GPR155: variants seen among roughly 807,000 people sequenced by gnomAD.
GPR155 encodes the protein lysosomal cholesterol signaling protein.
A neutral mutation model predicts 93.1 loss-of-function variants in GPR155; 65 were observed. That is an observed-to-expected ratio of 0.70 (90% CI 0.57 to 0.86). The LOEUF (loss-of-function observed/expected upper bound fraction) is 0.86, where lower values mean the gene tolerates loss of function less well. Ranked by LOEUF, GPR155 falls within the 40% of genes least tolerant of loss-of-function variation. GPR155 has a pLI of 0.00. For missense variants in GPR155, 838 were observed against 1,034.8 expected, an observed-to-expected ratio of 0.81 and a Z score of 2.61; for synonymous variants, 319 against 360.1, an observed-to-expected ratio of 0.89 and a Z score of 1.29.
At chr2:174,454,809 G>GAAGGAAGGGAAAGGAAGGAAAAGA (rs1687456949) in intron 10 of GPR155, among the ~76,000 whole-genome samples, 1 of 150,236 alleles carries the variant, frequency 6.7e-6, no homozygotes, top group African/African-American at 2.5e-5. Context: ...GAAGGGAAGG[G>GAAGGAAGGGAAAGGAAGGAAAAGA]AAGGAAGGGA....
intron 15 of GPR155, among the ~76,000 whole-genome samples, chr2:174,436,758 T>C (rs1463982165): frequency 6.6e-6 from 1 of 152,252 alleles, no homozygotes; most frequent in Non-Finnish European, 1.5e-5. Flanking sequence ...TATGACATAT[T>C]TTATAATTTA....
At chr2:174,444,954 A>G (rs1687074978) in intron 13 of GPR155, 127 bp downstream of exon 13, 3 of 610,520 alleles carry the variant, frequency 4.9e-6, no homozygotes, top group African/African-American at 1.9e-5. Flanking sequence ...GCAGCTGGCA[A>G]ACAAACTAAA....
At chr2:174,459,802 G>T in intron 10 of GPR155, 76 bp downstream of exon 10, 2 of 1,046,478 alleles carry the variant, frequency 1.9e-6, no homozygotes, top group Non-Finnish European at 2.8e-6. Context: ...CTGAGATCAT[G>T]CCACTGCACT....
At chr2:174,444,961 T>A in intron 13 of GPR155, 120 bp downstream of exon 13, 1 of 618,724 alleles carries the variant, frequency 1.6e-6, no homozygotes, top group Non-Finnish European at 2.9e-6. Flanking sequence ...GCAAACAAAC[T>A]AAATCCTTTT....
intron 3 of GPR155, among the ~76,000 whole-genome samples, chr2:174,472,451 C>T (rs1319960489): frequency 2.0e-5 from 3 of 152,128 alleles, no homozygotes; most frequent in Admixed American, 1.3e-4. Context: ...TTGATGAGCA[C>T]TTTTCATTTG....
chr2:174,453,357 G>A (rs1263348602), intron 11 of GPR155, among the ~76,000 whole-genome samples: 1 of 152,068 alleles, frequency 6.6e-6, no homozygotes, highest in African/African-American at 2.4e-5. Context: ...TTCTTTTGAG[G>A]GATAAGAATA....
chr2:174,449,203 G>T (rs1000831278), intron 11 of GPR155, among the ~76,000 whole-genome samples: 2 of 152,084 alleles, frequency 1.3e-5, no homozygotes, highest in Non-Finnish European at 2.9e-5. Context: ...CAGTCAGAAG[G>T]GCTATTATTA....
chr2:174,470,225 C>T (rs531957207), intron 4 of GPR155, among the ~76,000 whole-genome samples, 165 bp downstream of exon 4: 6 of 152,132 alleles, frequency 3.9e-5, no homozygotes, highest in Admixed American at 3.9e-4. Context: ...TTTGGGAGGC[C>T]AAGGCAGAAG....
intron 10 of GPR155, among the ~76,000 whole-genome samples, chr2:174,454,174 G>A (rs778770845): frequency 1.3e-5 from 2 of 152,160 alleles, no homozygotes; most frequent in Non-Finnish European, 2.9e-5. Flanking sequence ...GTCTCACTCT[G>A]TTGCCCAGGC....
intron 14 of GPR155, among the ~76,000 whole-genome samples, chr2:174,441,351 C>G (rs1358608853): frequency 1.3e-5 from 2 of 151,694 alleles, no homozygotes; most frequent in Non-Finnish European, 2.9e-5. Flanking sequence ...TTTCACCATA[C>G]AAAGCCTAGG....
At chr2:174,456,927 A>G (rs1425127563) in intron 10 of GPR155, among the ~76,000 whole-genome samples, 2 of 152,230 alleles carry the variant, frequency 1.3e-5, no homozygotes, top group Admixed American at 1.3e-4. Flanking sequence ...GATACAATCC[A>G]AATTCATAAT....
chr2:174,440,871 C>A (rs559013259), intron 14 of GPR155, among the ~76,000 whole-genome samples: 4 of 152,188 alleles, frequency 2.6e-5, no homozygotes, highest in Non-Finnish European at 5.9e-5. Context: ...AAAAAACCAA[C>A]AATTTAGAAA....
At chr2:174,448,529 TG>T (rs1490172650) in intron 11 of GPR155, among the ~76,000 whole-genome samples, 9,646 of 95,022 alleles carry the variant, frequency 0.1, 880 homozygotes, top group African/African-American at 0.29. Context: ...TTTTGTTTTT[TG>T]TTTTTTTTTT....
At chr2:174,448,523 GTTTTTTGTTTTTTTTT>G (rs1687214838) in intron 11 of GPR155, among the ~76,000 whole-genome samples, 1 of 102,960 alleles carries the variant, frequency 9.7e-6, no homozygotes, top group South Asian at 3.0e-4. Flanking sequence ...TTTGTTTTTT[GTTTTTTGTTTTTTTTT>G]TTTTTTTTTG....
chr2:174,466,791 A>G (rs1051805467), intron 5 of GPR155, among the ~76,000 whole-genome samples, 164 bp from the exon 6 acceptor site: 2 of 152,238 alleles, frequency 1.3e-5, no homozygotes, highest in East Asian at 3.8e-4. Flanking sequence ...GTAAATTATT[A>G]TAACCAATGT....
At position 174,473,181 on chromosome 2, in the gene GPR155, A is replaced by T. The variant is rs1220079108; in HGVS notation, c.644T>A (p.Leu215Ter). 4 of 1,613,130 alleles carry T rather than the reference A, an allele frequency of 2.5e-6. No individual in the cohort carries two copies. The highest frequency in any genetic ancestry group is 2.7e-5 in the African/African-American group (2 of 74,890). The change falls in exon 3 of 16, where the codon TTA becomes TAA. Residue 215 changes from leucine (L) to a stop codon, truncating the protein, a stop_gained. Coordinates refer to ENST00000392552, the MANE Select transcript of GPR155 (RefSeq NM_152529.7). LOFTEE classifies it high-confidence loss of function. ...KIVGLGLLRVLQNPIVFMVFI... is the reference protein window; with the variant it reads ...KIVGLGLLRV ...GACCATAAATACTATTGGGTTCTGT[A>T]ATACACGCAGGAGTCCGAGTCCCAC...
intron 11 of GPR155, among the ~76,000 whole-genome samples, chr2:174,452,159 A>G (rs1031011694): frequency 6.6e-6 from 1 of 152,228 alleles, no homozygotes; most frequent in Non-Finnish European, 1.5e-5. Flanking sequence ...GCAGACAGAT[A>G]AAACAAAGAC....
chr2:174,445,388 G>A (rs1687091430), intron 12 of GPR155: 1 of 440,828 alleles, frequency 2.3e-6, no homozygotes, highest in African/African-American at 2.0e-5. Flanking sequence ...TATCTATTCT[G>A]ATCAGATTTG....
intron 7 of GPR155, 23 bp downstream of exon 7, chr2:174,465,762 T>C (rs1159657334): frequency 1.8e-6 from 2 of 1,138,750 alleles, no homozygotes; most frequent in African/African-American, 3.0e-5. Context: ...CAGATCTCAA[T>C]TTCCATTCAT....
Sources: allele counts gnomAD v4.1 joint callset (sites outside exome capture counted in the v4.1 genomes callset), GRCh38; gene constraint gnomAD v4.1.1; transcripts MANE v1.5; gene names NCBI Gene and HGNC (gene_info 2026-07-23, HGNC 2026-07-21).